Variants in QRFPR observed in about 807,000 individuals in gnomAD.
QRFPR encodes pyroglutamylated RFamide peptide receptor.
In QRFPR, 37 loss-of-function variants were observed where a neutral mutation model predicts 31.3. The ratio of observed to expected loss-of-function variants is 1.18; its 90% CI spans 0.91 to 1.56. The LOEUF is 1.56. Among genes scored for constraint, QRFPR ranks in the 40% most tolerant of loss-of-function variants. QRFPR has a pLI of 0.00. For missense variants in QRFPR, 542 were observed against 532.5 expected (o/e 1.02, Z -0.18); for synonymous variants, 197 against 192.0 (o/e 1.03, Z -0.22).
intron 2 of QRFPR, among the ~76,000 whole-genome samples, chr4:121,339,742 C>T (rs1349260790): frequency 6.6e-6 from 1 of 151,930 alleles, no homozygotes; most frequent in Non-Finnish European, 1.5e-5. Flanking sequence ...TGGCTTGAGC[C>T]CAGGAGTTCA....
intron 4 of QRFPR, 24 bp from the exon 5 acceptor site, chr4:121,330,547 A>G (rs1404640872): frequency 6.4e-7 from 1 of 1,569,262 alleles, no homozygotes. Context: ...GAAACATTGT[A>G]TTAGTTAACT....
chr4:121,363,701 C>T (rs921680252), intron 1 of QRFPR, among the ~76,000 whole-genome samples: 1 of 150,062 alleles, frequency 6.7e-6, no homozygotes, highest in African/African-American at 2.5e-5. Flanking sequence ...AGTAGAAAAC[C>T]TGAAGACAAG....
At chr4:121,376,581 A>G (rs1726357529) in intron 1 of QRFPR, among the ~76,000 whole-genome samples, 1 of 151,786 alleles carries the variant, frequency 6.6e-6, no homozygotes, top group Non-Finnish European at 1.5e-5. Context: ...AACAGGCCTA[A>G]CTAGTAAGTG....
intron 1 of QRFPR, among the ~76,000 whole-genome samples, chr4:121,352,027 A>G (rs943643708): frequency 1.3e-5 from 2 of 152,120 alleles, no homozygotes; most frequent in Non-Finnish European, 2.9e-5. Flanking sequence ...TTTGCTACAA[A>G]TGTATGTGGG....
chr4:121,340,799 C>T (rs62319023), intron 1 of QRFPR, among the ~76,000 whole-genome samples, 189 bp from the exon 2 acceptor site: 50,559 of 152,026 alleles, frequency 0.33, 8,917 homozygotes, highest in Middle Eastern at 0.47. Context: ...TCTAACTGAA[C>T]TTTATGTTCC....
intron 1 of QRFPR, among the ~76,000 whole-genome samples, chr4:121,365,612 T>A (rs7670239): frequency 0.071 from 613 of 8,598 alleles, 35 homozygotes; most frequent in South Asian, 0.11. Flanking sequence ...AATATATATA[T>A]TATATATATT....
rs978589035 is a variant in QRFPR at position 121,347,596 on chromosome 4, C to T, written c.341-6986G>A. On this transcript the variant is annotated intron_variant, in intron 1 of 5. Coordinates refer to ENST00000394427, the MANE Select transcript of QRFPR (RefSeq NM_198179.3). ...TGACGCTTAAAGTAATATATTAACG[C>T]CCTCTCCATTAGTCTATTAACTTCC... 7.9e-5 allele frequency among the ~76,000 whole-genome samples: 12 copies of T among 152,116 alleles called. 1 individual carries two copies.
chr4:121,374,415 T>C (rs1421571680), intron 1 of QRFPR, among the ~76,000 whole-genome samples: 1 of 152,228 alleles, frequency 6.6e-6, no homozygotes, highest in African/African-American at 2.4e-5. Context: ...AATCTTCATA[T>C]CAGCCTGAGT....
intron 1 of QRFPR, among the ~76,000 whole-genome samples, chr4:121,362,129 TG>T (rs1315900158): frequency 1.3e-5 from 2 of 150,264 alleles, no homozygotes; most frequent in African/African-American, 4.9e-5. Flanking sequence ...TATATAATTC[TG>T]GCTCATCAGC....
chr4:121,349,223 T>C (rs1338444178), intron 1 of QRFPR, among the ~76,000 whole-genome samples: 1 of 151,644 alleles, frequency 6.6e-6, no homozygotes, highest in African/African-American at 2.4e-5. Flanking sequence ...TTGAAACATG[T>C]GTCCTTTTTT....
In QRFPR at chr4:121,380,548, G is replaced by A. The variant is rs139347755; in HGVS notation, c.100C>T (p.Leu34Phe). 3.1e-3 allele frequency: 4,908 copies of A among 1,606,890 alleles called. 17 individuals are homozygous for A. Among genetic ancestry groups the A allele is most frequent in the Non-Finnish European group, 3.2e-3 (3,753 of 1,177,092 alleles). The change falls in exon 1 of 6, where the codon CTC becomes TTC. Residue 34 changes from leucine (L) to phenylalanine (F), a missense_variant. Leu to Phe is a conservative substitution (Grantham distance 22). Coordinates refer to ENST00000394427, the MANE Select transcript of QRFPR (RefSeq NM_198179.3). The stretch of plus-strand genomic sequence containing the variant: ...CCCGGCAGCTCTGGGGTGTAGACGA[G>A]CGGTCGCAGCCGGTACAGAGCGATG... ...QFIALYRLRP[L>F]VYTPELPGRA...
chr4:121,370,205 T>C (rs1169740292), intron 1 of QRFPR: 2 of 774,152 alleles, frequency 2.6e-6, no homozygotes, highest in East Asian at 4.9e-5. Flanking sequence ...CCATGTCTGA[T>C]GGAGGAGGAG....
At chr4:121,355,281 T>A (rs1475188017) in intron 1 of QRFPR, among the ~76,000 whole-genome samples, 1 of 152,148 alleles carries the variant, frequency 6.6e-6, no homozygotes, top group Admixed American at 6.5e-5. Flanking sequence ...TTGGATTTCT[T>A]CATGGTTCTA....
intron 1 of QRFPR, among the ~76,000 whole-genome samples, chr4:121,341,785 C>A (rs1332493837): frequency 2.6e-5 from 4 of 152,138 alleles, no homozygotes; most frequent in Non-Finnish European, 2.9e-5. Context: ...ATCTGAAACA[C>A]CTCTGGTCTC....
At chr4:121,351,357 C>G (rs559105511) in intron 1 of QRFPR, among the ~76,000 whole-genome samples, 3 of 152,148 alleles carry the variant, frequency 2.0e-5, no homozygotes, top group Non-Finnish European at 4.4e-5. Flanking sequence ...TTTGTAAGAA[C>G]TGTTTGTGTG....
chr4:121,378,083 T>C (rs956677301), intron 1 of QRFPR, among the ~76,000 whole-genome samples: 5 of 152,200 alleles, frequency 3.3e-5, no homozygotes, highest in African/African-American at 9.6e-5. Context: ...CAGATAAACA[T>C]AGGCCACCTC....
chr4:121,331,872 C>T (rs1390878239), intron 4 of QRFPR, among the ~76,000 whole-genome samples: 1 of 151,948 alleles, frequency 6.6e-6, no homozygotes, highest in African/African-American at 2.4e-5. Context: ...AGGCTGGTCT[C>T]GAACTCCTGA....
intron 1 of QRFPR, among the ~76,000 whole-genome samples, chr4:121,347,046 T>C (rs1443226890): frequency 1.3e-5 from 2 of 152,164 alleles, no homozygotes; most frequent in African/African-American, 2.4e-5. Flanking sequence ...ATAAAGTAAG[T>C]TGGGAACTAT....
At position 121,380,834 on chromosome 4, in the gene QRFPR, A is replaced by C; in HGVS notation, c.-187T>G. 1.8e-6 allele frequency: 1 copy of C among 567,556 alleles called. No individual in the cohort carries two copies. Among genetic ancestry groups the C allele is most frequent in the South Asian group, 2.4e-5 (1 of 40,904 alleles). 35.2% of individuals were successfully genotyped at this position (567,556 alleles called of 1,614,324 possible). On this transcript the variant is annotated 5_prime_UTR_variant, in exon 1 of 6. Transcript: ENST00000394427. Reference sequence around the variant, plus strand: ...GGGAAAGGAGAGCAGCTCAGGGATCAAACCCACGATAAAGAGGCGGGAAGC... The same window carrying C: ...GGGAAAGGAGAGCAGCTCAGGGATCCAACCCACGATAAAGAGGCGGGAAGC...
Sources: allele counts gnomAD v4.1 joint callset (sites outside exome capture counted in the v4.1 genomes callset), GRCh38; gene constraint gnomAD v4.1.1; transcripts MANE v1.5; gene names NCBI Gene and HGNC (gene_info 2026-07-23, HGNC 2026-07-21).